The following CLCA1 variants were observed in gnomAD, a reference collection of about 807,000 sequenced individuals.
CLCA1 encodes the protein chloride channel accessory 1.
CLCA1 carries 59 observed loss-of-function variants against 85.6 expected under a neutral mutation model. The observed-to-expected ratio is 0.69, with a 90% CI of 0.56 to 0.86. The LOEUF (loss-of-function observed/expected upper bound fraction) is 0.86. CLCA1 is among the 40% of genes least tolerant of loss of function. The pLI, the probability that CLCA1 is intolerant of heterozygous loss-of-function variation, is 0.00. For synonymous variants in CLCA1, 396 were observed against 398.3 expected (o/e 0.99, Z 0.07); for missense variants, 1,022 against 1,101.4 (o/e 0.93, Z 1.02).
Position 86,498,880 on chromosome 1 carries a change from G to A in CLCA1, c.2353+69G>A, listed in dbSNP as rs1447567497. On this transcript the variant is annotated intron_variant, in intron 13 of 13. Transcript: ENST00000394711. The stretch of plus-strand genomic sequence containing the variant: ...CAAGTAGAAGAGCAGAAGCGGGTGA[G>A]GCAGGCAGCCGTGTTCTGATACTTA... The A allele has an allele frequency of 1.3e-5, 20 of 1,546,180 alleles. 1 individual carries two copies. In the South Asian group the frequency reaches 1.9e-4, roughly 14 times the overall value.
chr1:86,491,302 C>A lies in CLCA1; in HGVS notation c.1395C>A (p.Asn465Lys). The change falls in exon 9 of 14, where the codon AAC becomes AAA. Residue 465 changes from asparagine (N) to lysine (K), a missense_variant. Coordinates refer to ENST00000394711, the MANE Select transcript of CLCA1 (RefSeq NM_001285.4). ...LQTYASDQVQ[N>K]NGLIDAFGAL... ...CATATGCTTCAGATCAAGTTCAGAA[C>A]AATGGCCTCATTGATGCTTTTGGGG... 2 of 1,613,544 alleles carry A rather than the reference C, an allele frequency of 1.2e-6. No individual in the cohort carries two copies. Among genetic ancestry groups the A allele is most frequent in the Non-Finnish European group, 1.7e-6 (2 of 1,179,602 alleles).
chr1:86,486,232 A>G (rs1647966406), intron 6 of CLCA1, among the ~76,000 whole-genome samples: 1 of 152,212 alleles, frequency 6.6e-6, no homozygotes, highest in Non-Finnish European at 1.5e-5. Flanking sequence ...GAGGACACAG[A>G]GCCAAACCGT....
chr1:86,488,923 C>T (rs1558142513), intron 7 of CLCA1, 73 bp from the exon 8 acceptor site: 9 of 1,310,414 alleles, frequency 6.9e-6, no homozygotes, highest in Admixed American at 2.1e-5. Context: ...TTCTCCTTTC[C>T]TGTAAGCAGA....
intron 1 of CLCA1, among the ~76,000 whole-genome samples, chr1:86,470,870 G>A (rs1195100449): frequency 1.3e-5 from 2 of 152,086 alleles, no homozygotes; most frequent in African/African-American, 2.4e-5. Flanking sequence ...GCCCCTGTGG[G>A]GACAGAAGCC....
In CLCA1 at chr1:86,494,806, T is replaced by A. The variant is rs1648231426; in HGVS notation, c.1942+358T>A. Among the ~76,000 whole-genome samples the A allele has an allele frequency of 2.0e-5, 3 of 152,238 alleles. No individual in the cohort carries two copies. The South Asian group carries it at 6.2e-4, about 31-fold the overall frequency. On this transcript the variant is annotated intron_variant, in intron 11 of 13. Coordinates refer to ENST00000394711, the MANE Select transcript of CLCA1 (RefSeq NM_001285.4). ...ATACATACACACATATGAGTGTGTG[T>A]GTGTATACACAAATACATATATACA...
intron 1 of CLCA1, among the ~76,000 whole-genome samples, chr1:86,473,019 T>TG (rs1426350180): frequency 7.9e-5 from 12 of 152,234 alleles, no homozygotes; most frequent in Non-Finnish European, 1.5e-4. Context: ...TATACTTGCT[T>TG]GTGCGAAGTA....
intron 7 of CLCA1, among the ~76,000 whole-genome samples, chr1:86,487,467 G>T (rs1275683820): frequency 6.6e-6 from 1 of 152,140 alleles, no homozygotes; most frequent in East Asian, 1.9e-4. Flanking sequence ...ATGCCCCCTG[G>T]GGTGGAGTCT....
intron 11 of CLCA1, among the ~76,000 whole-genome samples, chr1:86,495,011 G>A (rs1352602771): frequency 4.7e-5 from 7 of 148,900 alleles, no homozygotes; most frequent in African/African-American, 1.7e-4. Context: ...GTCTATCAGG[G>A]AGAGAGAGAA....
At chr1:86,486,416 T>C in intron 6 of CLCA1, 110 bp from the exon 7 acceptor site, 3 of 899,286 alleles carry the variant, frequency 3.3e-6, no homozygotes, top group Non-Finnish European at 1.7e-6. Flanking sequence ...AGTAAGCTTA[T>C]GGTCATTTGC....
chr1:86,494,484 T>C, intron 11 of CLCA1, 36 bp downstream of exon 11: 6 of 1,608,052 alleles, frequency 3.7e-6, no homozygotes, highest in Non-Finnish European at 5.1e-6. Flanking sequence ...ATTTATTTCT[T>C]TTTCCAAGAA....
rs1265964400 is a variant in CLCA1, at chr1:86,493,452, C to T, written c.1533C>T (p.Thr511=). 13 of 1,613,906 alleles carry T rather than the reference C, an allele frequency of 8.1e-6. No homozygotes were observed. Among genetic ancestry groups the T allele is most frequent in the African/African-American group, 4.0e-5 (3 of 74,878 alleles). The change falls in exon 10 of 14, where the codon ACC becomes ACT. Residue 511 remains threonine (T), a synonymous_variant. Transcript: ENST00000394711. ...ATGGCACAGTGATCGTGGACAGCAC[C>T]GTGGGAAAGGACACTTTGTTTCTTA... ...WMNGTVIVDS[T]VGKDTLFLIT...
chr1:86,478,614 A>T (rs992378328), intron 4 of CLCA1, among the ~76,000 whole-genome samples: 1 of 152,174 alleles, frequency 6.6e-6, no homozygotes, highest in African/African-American at 2.4e-5. Flanking sequence ...TCCAAACCTG[A>T]TATCTCTTTC....
chr1:86,484,214 T>C (rs750622338), intron 5 of CLCA1, among the ~76,000 whole-genome samples: 16 of 152,178 alleles, frequency 1.1e-4, no homozygotes, highest in Non-Finnish European at 1.8e-4. Flanking sequence ...CACTGCAATG[T>C]TAAAGGGGCC....
intron 1 of CLCA1, among the ~76,000 whole-genome samples, chr1:86,472,692 T>C (rs944127800): frequency 3.3e-5 from 5 of 152,200 alleles, no homozygotes; most frequent in Admixed American, 3.3e-4. Context: ...TGAAAATATA[T>C]AATTATGCTA....
At chr1:86,494,105 G>A in intron 10 of CLCA1, 82 bp from the exon 11 acceptor site, 3 of 1,484,456 alleles carry the variant, frequency 2.0e-6, no homozygotes, top group Non-Finnish European at 1.9e-6. Context: ...TATATCAGAG[G>A]GTTTTCCCGT....
In CLCA1 at chr1:86,499,589, C is replaced by G. The variant is rs557021077; in HGVS notation, c.2354-65C>G. ...AGCTTTTTAAATATTTTTTAAAGCT[C>G]TACTGCTTAAGAAGTTTCTTTAATA... On this transcript the variant is annotated intron_variant, in intron 13 of 13. Coordinates refer to ENST00000394711, the MANE Select transcript of CLCA1 (RefSeq NM_001285.4). 73 of 1,050,180 alleles carry G rather than the reference C, an allele frequency of 7.0e-5. 1 individual carries two copies. In the African/African-American group the frequency reaches 1.1e-3, roughly 15 times the overall value. 65.1% of individuals were successfully genotyped at this position (1,050,180 alleles called of 1,614,324 possible).
chr1:86,485,856 T>C (rs949906200), intron 6 of CLCA1, among the ~76,000 whole-genome samples: 1 of 152,194 alleles, frequency 6.6e-6, no homozygotes, highest in African/African-American at 2.4e-5. Flanking sequence ...CATAGTCTTA[T>C]ATATTAGTCT....
intron 8 of CLCA1, among the ~76,000 whole-genome samples, chr1:86,489,719 T>A (rs184929735): frequency 4.8e-4 from 73 of 152,338 alleles, no homozygotes; most frequent in African/African-American, 1.7e-3. Flanking sequence ...CTAACTCCCA[T>A]ACACAGACAG....
At chr1:86,469,188 G>C in intron 1 of CLCA1, 55 bp downstream of exon 1, 1 of 1,277,032 alleles carries the variant, frequency 7.8e-7, no homozygotes, top group South Asian at 1.6e-5. Context: ...TGTTGTGATA[G>C]AGAGAACATG....
Sources: allele counts gnomAD v4.1 joint callset (sites outside exome capture counted in the v4.1 genomes callset), GRCh38; gene constraint gnomAD v4.1.1; transcripts MANE v1.5; gene names NCBI Gene and HGNC (gene_info 2026-07-23, HGNC 2026-07-21).